Variants in ALG6 observed in about 807,000 individuals in gnomAD.
The protein encoded by ALG6 is dolichyl pyrophosphate Man9GlcNAc2 alpha-1,3-glucosyltransferase.
A neutral mutation model predicts 66.6 loss-of-function variants in ALG6; 46 were observed. That is an observed-to-expected ratio of 0.69 (90% CI 0.55 to 0.88). The LOEUF is 0.88. Ranked by LOEUF, ALG6 falls within the 40% of genes least tolerant of loss-of-function variation. ALG6 has a pLI of 0.00. For missense variants in ALG6, 505 were observed against 586.8 expected (o/e 0.86, Z 1.44); for synonymous variants, 185 against 203.7 (o/e 0.91, Z 0.78).
chr1:63,373,590 G>C (rs1016418748), intron 2 of ALG6, among the ~76,000 whole-genome samples: 1 of 148,220 alleles, frequency 6.7e-6, no homozygotes, highest in Non-Finnish European at 1.5e-5. Flanking sequence ...GCAAGACTCT[G>C]CCTCAAAAAA....
At chr1:63,420,823 T>C (rs1050632179) in intron 12 of ALG6, among the ~76,000 whole-genome samples, 2 of 149,974 alleles carry the variant, frequency 1.3e-5, no homozygotes, top group Non-Finnish European at 3.0e-5. Flanking sequence ...ACTGCACCAC[T>C]GCACTCCAGC....
Position 63,437,818 on chromosome 1 carries a change from A to G in ALG6, c.*798A>G, listed in dbSNP as rs537974623. On this transcript the variant is annotated 3_prime_UTR_variant, in exon 15 of 15. Transcript: ENST00000263440. ...TCTGTTTAATTAAACATTATATTAT[A>G]TATATATTATTATTGACATGGTTCA... 7.3e-5 allele frequency: 11 copies of G among 151,560 alleles called. No homozygotes were observed. Among genetic ancestry groups the G allele is most frequent in the African/African-American group, 2.7e-4 (11 of 41,350 alleles). The allele number at this position is 151,560 out of a possible 1,614,324, so 9.4% of individuals were successfully genotyped here.
intron 12 of ALG6, among the ~76,000 whole-genome samples, chr1:63,427,233 T>G: frequency 6.6e-6 from 1 of 151,116 alleles, no homozygotes; most frequent in East Asian, 1.9e-4. Context: ...CAGGATGGTC[T>G]TGAACTCCTG....
intron 14 of ALG6, among the ~76,000 whole-genome samples, chr1:63,432,939 A>AT (rs1233144253): frequency 1.3e-5 from 2 of 151,672 alleles, no homozygotes; most frequent in African/African-American, 4.8e-5. Flanking sequence ...CCTAATTTTT[A>AT]TTTTTTATTT....
chr1:63,419,258 TTAA>T, intron 11 of ALG6, 109 bp from the exon 12 acceptor site: 1 of 899,572 alleles, frequency 1.1e-6, no homozygotes, highest in East Asian at 2.5e-5. Flanking sequence ...AAATAGAGCT[TTAA>T]TAAACTTTCA....
chr1:63,398,536 G>A (rs372852549), intron 3 of ALG6, among the ~76,000 whole-genome samples: 177 of 152,144 alleles, frequency 1.2e-3, no homozygotes, highest in African/African-American at 4.2e-3. Flanking sequence ...GCAGTGGCTC[G>A]ATCTCGGCTC....
intron 5 of ALG6, among the ~76,000 whole-genome samples, chr1:63,404,950 A>G (rs574904243): frequency 2.1e-4 from 32 of 152,264 alleles, no homozygotes; most frequent in African/African-American, 7.5e-4. Context: ...CAAACCTTGC[A>G]GTTATCATCT....
rs200471280 is a variant in ALG6, at chr1:63,392,172, AT to A, written c.83-4327del. Among the ~76,000 whole-genome samples, 726 of 145,042 alleles carry A rather than the reference AT, an allele frequency of 5.0e-3. 2 individuals are homozygous for A. Among genetic ancestry groups the A allele is most frequent in the African/African-American group, 0.015 (609 of 39,834 alleles). ...TTGCTATGGAAAATATAAAAGGATG[AT>A]TTTTTTTTTTTTTCTTCAGACAAGT... is the stretch of plus-strand genomic sequence containing the variant. On this transcript the variant is annotated intron_variant, in intron 2 of 14. Coordinates refer to ENST00000263440, the MANE Select transcript of ALG6 (RefSeq NM_013339.4).
intron 7 of ALG6, 112 bp from the exon 8 acceptor site, chr1:63,411,034 G>C: frequency 2.0e-6 from 2 of 1,014,784 alleles, no homozygotes; most frequent in South Asian, 1.5e-5. Flanking sequence ...AATCACATAA[G>C]AGATATGCTA....
intron 2 of ALG6, among the ~76,000 whole-genome samples, chr1:63,373,657 C>CTTTTTTTTTTTT (rs1557578257): frequency 8.7e-6 from 1 of 114,760 alleles, no homozygotes; most frequent in Non-Finnish European, 1.8e-5. Context: ...ATTTAATTTA[C>CTTTTTTTTTTTT]ATTTTTTTTT....
chr1:63,386,693 GTCT>G (rs1280448884), intron 2 of ALG6, among the ~76,000 whole-genome samples: 3 of 151,972 alleles, frequency 2.0e-5, no homozygotes, highest in African/African-American at 7.2e-5. Flanking sequence ...ATTTATTTAA[GTCT>G]TCTTTCTTTT....
intron 2 of ALG6, among the ~76,000 whole-genome samples, chr1:63,377,019 C>T (rs1045665057): frequency 2.6e-5 from 4 of 151,648 alleles, no homozygotes; most frequent in Admixed American, 6.6e-5. Context: ...CCAGGCTGGA[C>T]GGCACAATCT....
rs547850877 is a variant in ALG6, at chr1:63,433,497, G to T, written c.1327-3326G>T. 6.6e-6 allele frequency among the ~76,000 whole-genome samples: 1 copy of T among 152,284 alleles called. No individual in the cohort carries two copies. Among genetic ancestry groups the T allele is most frequent in the East Asian group, 1.9e-4 (1 of 5,188 alleles). ...GGTGTGGGAGGTAGGAAGTTAAGAG[G>T]TGAACAGGAAAGACAAGGAGAGGAT... On this transcript the variant is annotated intron_variant, in intron 14 of 14. Transcript: ENST00000263440. This position sits in a 1 kb window ranked among gnomAD's most constrained non-coding sequence, Gnocchi z 4.2.
chr1:63,426,208 G>T (rs530317642), intron 12 of ALG6, among the ~76,000 whole-genome samples: 1 of 152,266 alleles, frequency 6.6e-6, no homozygotes, highest in East Asian at 1.9e-4. Context: ...AAAGTGTGAT[G>T]AGAAGAGTTT....
intron 2 of ALG6, among the ~76,000 whole-genome samples, chr1:63,378,256 G>A: frequency 6.6e-6 from 1 of 151,944 alleles, no homozygotes. Context: ...TTGTTTTGAT[G>A]GTTGTTTTCT....
At chr1:63,370,291 T>A (rs1647871342) in intron 1 of ALG6, among the ~76,000 whole-genome samples, 1 of 152,232 alleles carries the variant, frequency 6.6e-6, no homozygotes, top group Non-Finnish European at 1.5e-5. Context: ...GTGTGGTTAA[T>A]GCAAGTATAT....
chr1:63,421,334 G>C (rs1473137040), intron 12 of ALG6, among the ~76,000 whole-genome samples: 1 of 152,120 alleles, frequency 6.6e-6, no homozygotes, highest in African/African-American at 2.4e-5. Context: ...AGATACTGGA[G>C]AGTTTGTGGA....
intron 2 of ALG6, among the ~76,000 whole-genome samples, chr1:63,379,426 G>A (rs544609522): frequency 3.3e-5 from 5 of 152,116 alleles, no homozygotes; most frequent in Admixed American, 3.3e-4. Flanking sequence ...AGCCAAGGCC[G>A]AGATGAGTAC....
At chr1:63,368,377 C>G (rs988985327) in intron 1 of ALG6, among the ~76,000 whole-genome samples, 4 of 152,182 alleles carry the variant, frequency 2.6e-5, no homozygotes, top group Non-Finnish European at 5.9e-5. Flanking sequence ...GCAAATACTT[C>G]TTGGGTACCT....
Sources: gnomAD v4.1 joint callset for allele counts (sites outside exome capture counted in the v4.1 genomes callset) on GRCh38, gnomAD v4.1.1 for gene constraint, Gnocchi (gnomAD v3.1) non-coding constraint, MANE v1.5 for transcripts, NCBI Gene and HGNC (gene_info 2026-07-23, HGNC 2026-07-21) for gene names.